Variants in PCDHGB3 observed in about 807,000 individuals in gnomAD.
The protein encoded by PCDHGB3 is protocadherin gamma subfamily B, 3, also known as protocadherin gamma-B3.
In PCDHGB3, 40 loss-of-function variants were observed where a neutral mutation model predicts 59.2. The ratio of observed to expected loss-of-function variants is 0.68; its 90% CI spans 0.52 to 0.88. PCDHGB3 has a LOEUF of 0.88. Ranked by LOEUF, PCDHGB3 falls within the 40% of genes least tolerant of loss-of-function variation. The probability of loss-of-function intolerance (pLI) is 0.00; values close to 1 mark genes in which losing one functional copy is unlikely to be tolerated. For missense variants in PCDHGB3, 1,309 were observed against 1,187.9 expected (o/e 1.10, Z -1.50); for synonymous variants, 581 against 503.6 (o/e 1.15, Z -2.06).
rs755732164 is a variant in PCDHGB3 at position 141,375,200 on chromosome 5, G to T, written c.2415+2391G>T. ...AGTAATCGCCCTTTTTCAAGTGTTC[G>T]ATCGAGACTCTGGCCTGAATGGCCT... On this transcript the variant is annotated intron_variant, in intron 1 of 3. Coordinates refer to ENST00000576222, the MANE Select transcript of PCDHGB3 (RefSeq NM_018924.5). 8.1e-6 allele frequency: 13 copies of T among 1,613,822 alleles called. No individual in the cohort carries two copies. Among genetic ancestry groups the T allele is most frequent in the East Asian group, 2.2e-5 (1 of 44,902 alleles).
At chr5:141,419,348 G>A (rs1195474899) in intron 1 of PCDHGB3, 1 of 1,613,816 alleles carries the variant, frequency 6.2e-7, no homozygotes, top group Non-Finnish European at 8.5e-7. Context: ...CAGCGACCTG[G>A]AGTCACGAAC....
intron 1 of PCDHGB3, among the ~76,000 whole-genome samples, chr5:141,437,339 T>A (rs1008090968): frequency 3.3e-5 from 5 of 152,262 alleles, no homozygotes; most frequent in Non-Finnish European, 7.3e-5. Context: ...GTAGCTTCAC[T>A]GTTTTATAGT....
intron 1 of PCDHGB3, chr5:141,374,345 G>A (rs1221134827): frequency 8.1e-6 from 13 of 1,614,018 alleles, no homozygotes; most frequent in Non-Finnish European, 1.1e-5. Flanking sequence ...GGTCACCGCG[G>A]GTAGGATAGA....
Position 141,424,165 on chromosome 5 carries a change from A to G in PCDHGB3, c.2415+51356A>G, listed in dbSNP as rs1328883463. 2.8e-5 allele frequency: 7 copies of G among 251,918 alleles called. No individual in the cohort carries two copies. The South Asian group carries it at 4.6e-4, about 17-fold the overall frequency. The allele number at this position is 251,918 out of a possible 1,614,324, so 15.6% of individuals were successfully genotyped here. On this transcript the variant is annotated intron_variant, in intron 1 of 3. Transcript: ENST00000576222. Reference sequence around the variant, plus strand: ...CTCCCTCTAGCTCTCCTTCTCATCTATCTATCTATACACATGCACACACAC... The same window carrying G: ...CTCCCTCTAGCTCTCCTTCTCATCTGTCTATCTATACACATGCACACACAC...
At chr5:141,484,873 G>A (rs754469397) in intron 1 of PCDHGB3, 50 of 322,006 alleles carry the variant, frequency 1.6e-4, no homozygotes, top group Non-Finnish European at 2.5e-4. Flanking sequence ...GAGCGTGGAG[G>A]ATAGGGTGGG....
chr5:141,479,752 T>C (rs770200359), intron 1 of PCDHGB3: 4 of 152,236 alleles, frequency 2.6e-5, no homozygotes, highest in Non-Finnish European at 4.4e-5. Context: ...ATGTGAAAGG[T>C]AGATAAATTC....
At chr5:141,445,890 T>A (rs1435563284) in intron 1 of PCDHGB3, among the ~76,000 whole-genome samples, 1 of 152,210 alleles carries the variant, frequency 6.6e-6, no homozygotes, top group Non-Finnish European at 1.5e-5. Flanking sequence ...ACTTAGGAGC[T>A]ATTAAAATAT....
Position 141,431,386 on chromosome 5 carries a change from C to A in PCDHGB3, c.2415+58577C>A. The stretch of plus-strand genomic sequence containing the variant: ...ACCGCGAAGAAAAGGCTGCTCACCA[C>A]CTGGTCCTTACGGCCTCCGACGGGG... On this transcript the variant is annotated intron_variant, in intron 1 of 3. Coordinates refer to ENST00000576222, the MANE Select transcript of PCDHGB3 (RefSeq NM_018924.5). The surrounding 1 kb of genome is among the most constrained non-coding windows in gnomAD (Gnocchi z 4.8). The A allele has an allele frequency of 6.2e-7, 1 of 1,613,924 alleles. No individual in the cohort carries two copies. Among genetic ancestry groups the A allele is most frequent in the Non-Finnish European group, 8.5e-7 (1 of 1,180,038 alleles).
Position 141,477,187 on chromosome 5 carries a change from G to A in PCDHGB3, c.2416-17620G>A, listed in dbSNP as rs2154575648. ...CCCCGGAGATCACAGTCACCTCCGT[G>A]TACAGCCCAGTACCCGAGGATGCCC... On this transcript the variant is annotated intron_variant, in intron 1 of 3. Coordinates refer to ENST00000576222, the MANE Select transcript of PCDHGB3 (RefSeq NM_018924.5). The surrounding 1 kb of genome is among the most constrained non-coding windows in gnomAD (Gnocchi z 4.9). The A allele has an allele frequency of 6.2e-7, 1 of 1,614,190 alleles. No individual in the cohort carries two copies. The highest frequency in any genetic ancestry group is 2.2e-5 in the East Asian group (1 of 44,874).
chr5:141,423,927 T>A, intron 1 of PCDHGB3: 1 of 1,240,434 alleles, frequency 8.1e-7, no homozygotes, highest in Non-Finnish European at 1.0e-6. Context: ...TATGCTGGTT[T>A]GGTTTGAAGT....
At chr5:141,408,019 A>G (rs1589652051) in intron 1 of PCDHGB3, 1 of 1,031,592 alleles carries the variant, frequency 9.7e-7, no homozygotes, top group Admixed American at 3.2e-5. Context: ...GCAGCCAACA[A>G]CAGAAAGAAG....
rs777325229 is a variant in PCDHGB3, at chr5:141,403,135, G to A, written c.2415+30326G>A. On this transcript the variant is annotated intron_variant, in intron 1 of 3. Transcript: ENST00000576222. ...CTCTGGAGCCCCGGGAGCTGGCGGA[G>A]CGCCGAGTCCGCATCGTCTCTAGAG... 8 of 1,613,948 alleles carry A rather than the reference G, an allele frequency of 5.0e-6. No homozygotes were observed. The African/African-American group carries it at 8.0e-5, about 16-fold the overall frequency.
In PCDHGB3 at chr5:141,398,481, C is replaced by T. The variant is rs377302058; in HGVS notation, c.2415+25672C>T. ...CTGAAAATCCACTGAACTTTTATCACGTGAATGTGGAGATCGAGGACATTA... is the reference window on the plus strand; with the variant it reads ...CTGAAAATCCACTGAACTTTTATCATGTGAATGTGGAGATCGAGGACATTA... On this transcript the variant is annotated intron_variant, in intron 1 of 3. Transcript: ENST00000576222. The T allele has an allele frequency of 6.8e-6, 11 of 1,607,008 alleles. No individual in the cohort carries two copies. In the African/African-American group the frequency reaches 8.1e-5, roughly 12 times the overall value.
chr5:141,372,414 G>C lies in PCDHGB3; in HGVS notation c.2020G>C (p.Asp674His), dbSNP rs1290805149. ...AGATAGCTTGCAAGAGATACAACCT[G>C]ACCTTAGCGACCGCCCCACTCCCTC... ...FADSLQEIQPDLSDRPTPSDP... is the reference protein window; with the variant it reads ...FADSLQEIQPHLSDRPTPSDP... The change falls in exon 1 of 4, where the codon GAC (aspartate) becomes CAC (histidine). Residue 674 changes from aspartate to histidine, a missense_variant. Coordinates refer to ENST00000576222, the MANE Select transcript of PCDHGB3 (RefSeq NM_018924.5). 6.2e-7 allele frequency: 1 copy of C among 1,613,910 alleles called. No individual in the cohort carries two copies. The highest frequency in any genetic ancestry group is 1.3e-5 in the African/African-American group (1 of 74,944).
intron 1 of PCDHGB3, chr5:141,413,762 C>A: frequency 1.2e-6 from 2 of 1,612,894 alleles, no homozygotes; most frequent in Non-Finnish European, 8.5e-7. Flanking sequence ...GTCAAGTACC[C>A]GGAGCTGGTA....
chr5:141,389,610 G>C, intron 1 of PCDHGB3: 1 of 1,613,118 alleles, frequency 6.2e-7, no homozygotes, highest in Non-Finnish European at 8.5e-7. Flanking sequence ...CTTCGATATG[G>C]TGCCGCACGC....
At position 141,394,884 on chromosome 5, in the gene PCDHGB3, C is replaced by G. The variant is rs2093119839; in HGVS notation, c.2415+22075C>G. The G allele has an allele frequency of 1.2e-6, 2 of 1,613,784 alleles. 1 individual carries two copies. Among genetic ancestry groups the G allele is most frequent in the Admixed American group, 3.3e-5 (2 of 60,002 alleles). On this transcript the variant is annotated intron_variant, in intron 1 of 3. Coordinates refer to ENST00000576222, the MANE Select transcript of PCDHGB3 (RefSeq NM_018924.5). ...CGACCCGAACGATTCGAGCCTTACACTCTATCTCGTGGTGGCAGTGGCTGC... is the reference window on the plus strand; with the variant it reads ...CGACCCGAACGATTCGAGCCTTACAGTCTATCTCGTGGTGGCAGTGGCTGC...
Position 141,489,343 on chromosome 5 carries a change from G to A in PCDHGB3, c.2416-5464G>A, listed in dbSNP as rs377697321. On this transcript the variant is annotated intron_variant, in intron 1 of 3. Coordinates refer to ENST00000576222, the MANE Select transcript of PCDHGB3 (RefSeq NM_018924.5). This position sits in a 1 kb window ranked among gnomAD's most constrained non-coding sequence, Gnocchi z 4.5. ...GGTGTCTGGGCAGCTTCGTTACTCA[G>A]TGGTGGAGGAGTCTGAGCCGGGGAC... The A allele has an allele frequency of 5.6e-6, 9 of 1,611,264 alleles. No individual in the cohort carries two copies. Among genetic ancestry groups the A allele is most frequent in the Non-Finnish European group, 7.6e-6 (9 of 1,178,202 alleles).
At position 141,415,039 on chromosome 5, in the gene PCDHGB3, G is replaced by T. The variant is rs761101620; in HGVS notation, c.2415+42230G>T. ...CAAGGCCAGCGAGCCGGGACTCTTC[G>T]CGGTGGGGGAGCACACGGGCGAGGT... On this transcript the variant is annotated intron_variant, in intron 1 of 3. Transcript: ENST00000576222. The T allele has an allele frequency of 3.1e-6, 5 of 1,613,342 alleles. No homozygotes were observed. The highest frequency in any genetic ancestry group is 3.4e-6 in the Non-Finnish European group (4 of 1,179,934).
Sources: gnomAD v4.1 joint callset for allele counts (sites outside exome capture counted in the v4.1 genomes callset) on GRCh38, gnomAD v4.1.1 for gene constraint, Gnocchi (gnomAD v3.1) non-coding constraint, MANE v1.5 for transcripts, NCBI Gene and HGNC (gene_info 2026-07-23, HGNC 2026-07-21) for gene names.